The following EXOSC7 variants were observed in gnomAD, a reference collection of about 807,000 sequenced individuals.
EXOSC7 encodes exosome complex component RRP42.
In EXOSC7, 25 loss-of-function variants were observed where a neutral mutation model predicts 34.3. The observed-to-expected ratio is 0.73, with a 90% confidence interval of 0.53 to 1.02. EXOSC7 has a LOEUF of 1.02. Among genes scored for constraint, EXOSC7 ranks in the 50% least tolerant of loss-of-function variants. EXOSC7 has a pLI of 0.00. For missense variants in EXOSC7, 370 were observed against 368.5 expected (o/e 1.00, Z -0.03); for synonymous variants, 130 against 143.0 (o/e 0.91, Z 0.65).
At chr3:44,995,142 C>T (rs1706685944) in intron 3 of EXOSC7, among the ~76,000 whole-genome samples, 1 of 152,098 alleles carries the variant, frequency 6.6e-6, no homozygotes, top group South Asian at 2.1e-4. Context: ...GCCACCACGC[C>T]CAGATAATTT....
chr3:44,981,962 G>A (rs570788931), intron 1 of EXOSC7, among the ~76,000 whole-genome samples: 37 of 152,310 alleles, frequency 2.4e-4, no homozygotes, highest in Middle Eastern at 3.4e-3. Context: ...CTGAGGTACC[G>A]CCTCTCATGG....
chr3:45,001,194 C>T (rs1706868046), intron 4 of EXOSC7, among the ~76,000 whole-genome samples: 1 of 151,930 alleles, frequency 6.6e-6, no homozygotes, highest in Non-Finnish European at 1.5e-5. Context: ...TGGCTCATGC[C>T]TATACCCCAG....
intron 3 of EXOSC7, among the ~76,000 whole-genome samples, chr3:44,990,026 A>G (rs1292061238): frequency 6.6e-6 from 1 of 152,154 alleles, no homozygotes; most frequent in African/African-American, 2.4e-5. Context: ...TCTGCAGAAA[A>G]CTGTTCATGA....
At chr3:44,983,989 G>C (rs753461702) in intron 1 of EXOSC7, among the ~76,000 whole-genome samples, 15 of 152,092 alleles carry the variant, frequency 9.9e-5, no homozygotes, top group Non-Finnish European at 1.6e-4. Flanking sequence ...AGGAAAATTT[G>C]TAGCTTTTCA....
chr3:44,989,539 T>C lies in EXOSC7; in HGVS notation c.160-11T>C, dbSNP rs754124542. On this transcript the variant is annotated splice_polypyrimidine_tract_variant and intron_variant, in intron 2 of 7. Transcript: ENST00000265564. ...ACTCTGAGTGAGGACTCTTCTTGCATGTGTCTGCAGGGTCACACAGACATC... is the reference window on the plus strand; with the variant it reads ...ACTCTGAGTGAGGACTCTTCTTGCACGTGTCTGCAGGGTCACACAGACATC... The C allele has an allele frequency of 2.0e-5, 32 of 1,606,958 alleles. No individual in the cohort carries two copies. In the Admixed American group the frequency reaches 5.2e-4, roughly 26 times the overall value.
chr3:45,005,402 C>T lies in EXOSC7; in HGVS notation c.603C>T (p.Val201=), dbSNP rs377512585. 3.3e-5 allele frequency: 53 copies of T among 1,614,004 alleles called. No homozygotes were observed. The highest frequency in any genetic ancestry group is 4.2e-5 in the Non-Finnish European group (50 of 1,180,020). Residue 201 remains valine (V), a synonymous_variant, in exon 6 of 8, where the codon GTC becomes GTT. Coordinates refer to ENST00000265564, the MANE Select transcript of EXOSC7 (RefSeq NM_015004.4). ...GTGTGGAGAATGTCCCCTGCATTGTCACTCTGTGCAAGGTATAACTTGTAT... is the reference window on the plus strand; with the variant it reads ...GTGTGGAGAATGTCCCCTGCATTGTTACTCTGTGCAAGGTATAACTTGTAT... ...RLSVENVPCI[V]TLCKIGYRHV...
intron 3 of EXOSC7, among the ~76,000 whole-genome samples, chr3:44,991,491 A>G (rs910279928): frequency 2.6e-5 from 4 of 152,050 alleles, no homozygotes; most frequent in African/African-American, 7.2e-5. Flanking sequence ...TTTCTTTTTC[A>G]TCTCCTTCAT....
chr3:44,983,642 C>G (rs1404619269), intron 1 of EXOSC7, among the ~76,000 whole-genome samples: 1 of 152,172 alleles, frequency 6.6e-6, no homozygotes, highest in Non-Finnish European at 1.5e-5. Flanking sequence ...TCAGTCTCCT[C>G]TGCTGAGAAG....
chr3:45,003,420 TC>T (rs1460202549), intron 5 of EXOSC7, among the ~76,000 whole-genome samples: 1 of 152,124 alleles, frequency 6.6e-6, no homozygotes. Flanking sequence ...TAGTAGAACT[TC>T]CTCTGATGGG....
chr3:44,998,901 G>C (rs1706800086), intron 4 of EXOSC7, among the ~76,000 whole-genome samples: 1 of 152,182 alleles, frequency 6.6e-6, no homozygotes, highest in Non-Finnish European at 1.5e-5. Flanking sequence ...AGGCTTCATA[G>C]TTGCCCAGGG....
At chr3:44,997,605 A>G (rs1706757292) in intron 4 of EXOSC7, among the ~76,000 whole-genome samples, 1 of 152,204 alleles carries the variant, frequency 6.6e-6, no homozygotes, top group African/African-American at 2.4e-5. Context: ...TCTGTGTGGA[A>G]GGATGATTAG....
rs989480483 is a variant in EXOSC7, at chr3:44,978,198, C to T, written c.57+1864C>T. Among the ~76,000 whole-genome samples, 26 of 152,338 alleles carry T rather than the reference C, an allele frequency of 1.7e-4. No individual in the cohort carries two copies. In the East Asian group the frequency reaches 3.9e-3, roughly 23 times the overall value. On this transcript the variant is annotated intron_variant, in intron 1 of 7. Coordinates refer to ENST00000265564, the MANE Select transcript of EXOSC7 (RefSeq NM_015004.4). ...CAGGGGCCGGGCATTGTGGCTCACG[C>T]CTGTAATCCCAGCACTTTGAAAGGC...
chr3:45,003,957 G>A (rs1369676677), intron 5 of EXOSC7, among the ~76,000 whole-genome samples: 1 of 152,132 alleles, frequency 6.6e-6, no homozygotes, highest in East Asian at 1.9e-4. Flanking sequence ...ACTTTGTCCA[G>A]TCTGCTGTTT....
rs34512144 is a variant in EXOSC7, at chr3:45,005,305, G to C, written c.506G>C (p.Arg169Pro). 6.2e-7 allele frequency: 1 copy of C among 1,614,082 alleles called. No homozygotes were observed. Among genetic ancestry groups the C allele is most frequent in the Non-Finnish European group, 8.5e-7 (1 of 1,179,986 alleles). ...TCTGCTTCCAGGATACCAAGGGTTCGAGTTTTGGAGGATGAAGAGGGGTCG... is the reference window on the plus strand; with the variant it reads ...TCTGCTTCCAGGATACCAAGGGTTCCAGTTTTGGAGGATGAAGAGGGGTCG... ...ALFNTRIPRV[R>P]VLEDEEGSKD... The change falls in exon 6 of 8, where the codon CGA becomes CCA. Residue 169 changes from arginine (R) to proline (P), a missense_variant. This residue lies in a region of EXOSC7 where 255 missense variants were observed against 246.4 expected (regional missense o/e 1.03). Coordinates refer to ENST00000265564, the MANE Select transcript of EXOSC7 (RefSeq NM_015004.4).
chr3:45,012,640 G>A (rs1277031316), downstream of EXOSC7: 1 of 152,252 alleles, frequency 6.6e-6, no homozygotes, highest in Admixed American at 6.5e-5. Flanking sequence ...ACTCGAGTGT[G>A]AATAAAGTTT....
intron 5 of EXOSC7, 160 bp downstream of exon 5, chr3:45,001,768 A>G: frequency 1.7e-6 from 1 of 596,862 alleles, no homozygotes; most frequent in Non-Finnish European, 3.0e-6. Flanking sequence ...CAGAAAAGAT[A>G]GATTTCGTGA....
intron 5 of EXOSC7, among the ~76,000 whole-genome samples, chr3:45,003,346 CGTGCGTGT>C (rs1233355952): frequency 6.3e-4 from 17 of 27,150 alleles, no homozygotes; most frequent in East Asian, 0.014. Flanking sequence ...TGCGTGCGTG[CGTGCGTGT>C]GTGTGTGTAT....
Position 44,989,233 on chromosome 3 carries a change from G to A in EXOSC7, c.151G>A (p.Val51Ile), listed in dbSNP as rs758664509. Reference protein sequence around the residue: ...VVSNTSGSARVKLGHTDILVG... With the variant: ...VVSNTSGSARIKLGHTDILVG... ...GTCCAACACTAGTGGGTCCGCCAGGGTCAAGCTGGTGAGTACTGTGACCAT... is the reference window on the plus strand; with the variant it reads ...GTCCAACACTAGTGGGTCCGCCAGGATCAAGCTGGTGAGTACTGTGACCAT... The change falls in exon 2 of 8, where the codon GTC becomes ATC. Residue 51 changes from valine (V) to isoleucine (I), a missense_variant. Around this residue, in one of 3 missense-constraint regions of EXOSC7, gnomAD observed 95 missense variants for 79.8 expected, o/e 1.19. Transcript: ENST00000265564. The A allele has an allele frequency of 1.9e-6, 3 of 1,612,766 alleles. No individual in the cohort carries two copies. The East Asian group carries it at 6.7e-5, about 36-fold the overall frequency.
At chr3:45,006,485 C>T (rs1352668557) in intron 6 of EXOSC7, among the ~76,000 whole-genome samples, 6 of 141,258 alleles carry the variant, frequency 4.2e-5, no homozygotes, top group Admixed American at 1.5e-4. Flanking sequence ...GGTGCAATCT[C>T]GGCTCACTGT....
Sources: gnomAD v4.1 joint callset for allele counts (sites outside exome capture counted in the v4.1 genomes callset) on GRCh38, gnomAD v4.1.1 for gene constraint, gnomAD v4.1.1 regional missense constraint, MANE v1.5 for transcripts, NCBI Gene and HGNC (gene_info 2026-07-23, HGNC 2026-07-21) for gene names.